The following ERI3 variants were observed in gnomAD, a reference collection of about 807,000 sequenced individuals.
ERI3 encodes ERI1 exoribonuclease 3.
A neutral mutation model predicts 44.4 loss-of-function variants in ERI3; 18 were observed. The observed-to-expected ratio is 0.41, with a 90% CI of 0.28 to 0.60. The LOEUF is 0.60. Among genes scored for constraint, ERI3 ranks in the 20% least tolerant of loss-of-function variants. The pLI is 0.36. For synonymous variants in ERI3, 183 were observed against 164.8 expected (o/e 1.11, Z -0.84); for missense variants, 294 against 435.5 (o/e 0.68, Z 2.89).
intron 4 of ERI3, among the ~76,000 whole-genome samples, chr1:44,317,708 G>A (rs1314651497): frequency 2.0e-5 from 3 of 152,010 alleles, no homozygotes; most frequent in African/African-American, 4.8e-5. Flanking sequence ...CTCAATCTGG[G>A]GATCAGGGAA....
At chr1:44,332,096 G>A (rs1646441778) in intron 3 of ERI3, among the ~76,000 whole-genome samples, 1 of 152,136 alleles carries the variant, frequency 6.6e-6, no homozygotes, top group South Asian at 2.1e-4. Flanking sequence ...AGAGTAAAAA[G>A]AAGCCTTTTC....
At chr1:44,330,996 G>A (rs1646416311) in intron 3 of ERI3, among the ~76,000 whole-genome samples, 1 of 152,104 alleles carries the variant, frequency 6.6e-6, no homozygotes, top group Non-Finnish European at 1.5e-5. Flanking sequence ...GAAGCCTATG[G>A]ACTTAACCTA....
chr1:44,307,771 G>A (rs1645870872), intron 6 of ERI3, among the ~76,000 whole-genome samples: 1 of 152,176 alleles, frequency 6.6e-6, no homozygotes, highest in South Asian at 2.1e-4. Context: ...GGTTCACCAG[G>A]GTCTTGCAGG....
At chr1:44,245,389 G>A (rs893223523) in intron 8 of ERI3, among the ~76,000 whole-genome samples, 1 of 152,174 alleles carries the variant, frequency 6.6e-6, no homozygotes, top group Non-Finnish European at 1.5e-5. Context: ...GAAGCCCAGT[G>A]TCCTGGGGAG....
rs1419505803 is a variant in ERI3, at chr1:44,222,348, CCCT to C, written c.932-711_932-709del. ...CCTTGGCCATCAGCCGTCTACCAAA[CCCT>C]CCTGTATACATCGGCGGAAGCCCTG... On this transcript the variant is annotated intron_variant, in intron 8 of 8. Coordinates refer to ENST00000372257, the MANE Select transcript of ERI3 (RefSeq NM_024066.3). 3.4e-4 allele frequency among the ~76,000 whole-genome samples: 52 copies of C among 152,364 alleles called. 1 individual carries two copies. In the East Asian group the frequency reaches 7.3e-3, roughly 21 times the overall value.
intron 5 of ERI3, among the ~76,000 whole-genome samples, chr1:44,311,511 AC>A (rs1308926914): frequency 6.6e-6 from 1 of 152,126 alleles, no homozygotes; most frequent in Non-Finnish European, 1.5e-5. Context: ...CTCCTTACCC[AC>A]AAAGTATACA....
In ERI3 at chr1:44,251,848, T is replaced by C. The variant is rs182009749; in HGVS notation, c.832-3810A>G. 6.6e-4 allele frequency among the ~76,000 whole-genome samples: 100 copies of C among 152,296 alleles called. No individual in the cohort carries two copies. The East Asian group carries it at 0.017, about 26-fold the overall frequency. ...TTGTGTCTATCTCTTTACTCCTGCC[T>C]GCTCCCTCTCACTGCTCCCTTCCCT... On this transcript the variant is annotated intron_variant, in intron 7 of 8. Transcript: ENST00000372257.
Position 44,264,217 on chromosome 1 carries a change from C to T in ERI3, c.832-16179G>A, listed in dbSNP as rs892158299. ...ATTCTAATTTCCTAATATGAAAAGGCATTTGGATTGAGAGAGAGGGGGAGA... is the reference window on the plus strand; with the variant it reads ...ATTCTAATTTCCTAATATGAAAAGGTATTTGGATTGAGAGAGAGGGGGAGA... On this transcript the variant is annotated intron_variant, in intron 7 of 8. Transcript: ENST00000372257. Among the ~76,000 whole-genome samples the T allele has an allele frequency of 6.6e-5, 10 of 152,260 alleles. No homozygotes were observed. The South Asian group carries it at 1.7e-3, about 25-fold the overall frequency.
chr1:44,345,687 A>G (rs561367403), intron 2 of ERI3, among the ~76,000 whole-genome samples: 1 of 152,280 alleles, frequency 6.6e-6, no homozygotes, highest in East Asian at 1.9e-4. Context: ...ATACAAATAA[A>G]CTGCATCCCT....
chr1:44,335,693 G>A (rs1002607376), intron 3 of ERI3, among the ~76,000 whole-genome samples: 4 of 147,954 alleles, frequency 2.7e-5, no homozygotes, highest in Non-Finnish European at 4.5e-5. Flanking sequence ...AGAGGTTGCG[G>A]TGAGCCGAGA....
intron 8 of ERI3, chr1:44,243,733 T>C (rs1644492976): frequency 1.3e-5 from 2 of 152,234 alleles, no homozygotes; most frequent in African/African-American, 4.8e-5. Flanking sequence ...GCCTTTGCTT[T>C]CTTCCTCAGC....
chr1:44,249,954 T>C (rs554694475), intron 7 of ERI3, among the ~76,000 whole-genome samples: 2 of 151,956 alleles, frequency 1.3e-5, no homozygotes, highest in Admixed American at 6.6e-5. Flanking sequence ...GCTGGATGGG[T>C]TTTTTTCCCC....
At chr1:44,291,283 T>A (rs568971461) in intron 6 of ERI3, among the ~76,000 whole-genome samples, 1 of 152,314 alleles carries the variant, frequency 6.6e-6, no homozygotes, top group South Asian at 2.1e-4. Flanking sequence ...ATGAGCCTCC[T>A]ACTTATCAAA....
At chr1:44,297,439 C>T (rs555344956) in intron 6 of ERI3, among the ~76,000 whole-genome samples, 2 of 151,978 alleles carry the variant, frequency 1.3e-5, no homozygotes, top group African/African-American at 2.4e-5. Flanking sequence ...CTTAGGAACC[C>T]GACCAAAGAA....
chr1:44,229,642 T>A (rs1738051), intron 8 of ERI3, among the ~76,000 whole-genome samples: 2 of 152,070 alleles, frequency 1.3e-5, no homozygotes, highest in African/African-American at 4.8e-5. Context: ...GGCCTGGGCA[T>A]GCAGCCCCGG....
At chr1:44,243,809 G>A (rs979155110) in intron 8 of ERI3, 3 of 152,176 alleles carry the variant, frequency 2.0e-5, no homozygotes, top group African/African-American at 7.2e-5. Flanking sequence ...TGAGGGAAGC[G>A]AGCTTGTTTT....
intron 7 of ERI3, among the ~76,000 whole-genome samples, chr1:44,282,954 C>T (rs1268645714): frequency 6.6e-6 from 1 of 152,214 alleles, no homozygotes; most frequent in African/African-American, 2.4e-5. Context: ...TGAGTGACAA[C>T]GTTACCACAT....
At chr1:44,242,770 G>A (rs923621505) in intron 8 of ERI3, among the ~76,000 whole-genome samples, 4 of 152,164 alleles carry the variant, frequency 2.6e-5, no homozygotes, top group East Asian at 1.9e-4. Flanking sequence ...GGGGGCTGGC[G>A]TTTGGTGTGT....
In ERI3 at chr1:44,310,989, A is replaced by G. The variant is rs1229925499; in HGVS notation, c.666+2180T>C. The stretch of plus-strand genomic sequence containing the variant: ...CACACACACACACACACACACACAC[A>G]CACACACACACACACACACACACAC... On this transcript the variant is annotated intron_variant, in intron 5 of 8. Coordinates refer to ENST00000372257, the MANE Select transcript of ERI3 (RefSeq NM_024066.3). Among the ~76,000 whole-genome samples the G allele has an allele frequency of 8.5e-4, 128 of 150,770 alleles. 3 individuals are homozygous for G. Among genetic ancestry groups the G allele is most frequent in the South Asian group, 1.3e-3 (6 of 4,744 alleles).
Sources: gnomAD v4.1 joint callset for allele counts (sites outside exome capture counted in the v4.1 genomes callset) on GRCh38, gnomAD v4.1.1 for gene constraint, MANE v1.5 for transcripts, NCBI Gene and HGNC (gene_info 2026-07-23, HGNC 2026-07-21) for gene names.